OR10A2: variants seen among roughly 807,000 people sequenced by gnomAD.
OR10A2 encodes the protein olfactory receptor 10A2.
OR10A2 carries 15 observed loss-of-function variants against 13.7 expected under a neutral mutation model. That is an observed-to-expected ratio of 1.10 (90% CI 0.73 to 1.69). The LOEUF is 1.69. Ranked by LOEUF, OR10A2 falls within the 40% of genes most tolerant of loss-of-function variation. The pLI, the probability that OR10A2 is intolerant of heterozygous loss-of-function variation, is 0.00. For missense variants in OR10A2, 343 were observed against 361.1 expected (o/e 0.95, Z 0.41); for synonymous variants, 145 against 144.7 (o/e 1.00, Z -0.02).
chr11:6,870,925 A>G lies in OR10A2; in HGVS notation c.*259A>G. The G allele has an allele frequency of 3.1e-6, 1 of 327,232 alleles. No homozygotes were observed. Among genetic ancestry groups the G allele is most frequent in the Non-Finnish European group, 5.5e-6 (1 of 180,884 alleles). The allele number at this position is 327,232 out of a possible 1,614,324, so 20.3% of individuals were successfully genotyped here. A position where few individuals can be genotyped will look rare whatever the true frequency, so the allele number is the denominator to read the frequency against. The stretch of plus-strand genomic sequence containing the variant: ...TGGTATGACAGCACTTCTGTGGCCA[A>G]CTATTTCCAGGTGTTATATTTCTTT... On this transcript the variant is annotated 3_prime_UTR_variant, in exon 2 of 2. Coordinates refer to ENST00000641461, the MANE Select transcript of OR10A2 (RefSeq NM_001004460.2).
chr11:6,871,799 T>C lies in OR10A2; in HGVS notation c.*1133T>C, dbSNP rs1005253332. The C allele has an allele frequency of 2.0e-5, 3 of 152,246 alleles. No homozygotes were observed. The highest frequency in any genetic ancestry group is 7.2e-5 in the African/African-American group (3 of 41,464). The allele number at this position is 152,246 out of a possible 1,614,324, so 9.4% of individuals were successfully genotyped here. ...GCCCTAATTTATTTAGCCAGTCTTT[T>C]ACTACTACAAATCATGCTGTAAATA... On this transcript the variant is annotated 3_prime_UTR_variant, in exon 2 of 2. Transcript: ENST00000641461.
intron 1 of OR10A2, among the ~76,000 whole-genome samples, chr11:6,868,365 C>T (rs922292750): frequency 9.2e-5 from 14 of 152,158 alleles, no homozygotes; most frequent in African/African-American, 1.4e-4. Flanking sequence ...TGCGTAAAGA[C>T]GGAGGGTAAT....
chr11:6,870,770 T>C lies in OR10A2; in HGVS notation c.*104T>C, dbSNP rs1848425545. 1.0e-6 allele frequency: 1 copy of C among 989,728 alleles called. No homozygotes were observed. The highest frequency in any genetic ancestry group is 2.5e-5 in the East Asian group (1 of 40,748). The allele number at this position is 989,728 out of a possible 1,614,324, so 61.3% of individuals were successfully genotyped here. ...ACATCTCCAATAAGATGAAGTCCTG[T>C]TGCTGAAATGGCTTTTGGAAAGCTG... On this transcript the variant is annotated 3_prime_UTR_variant, in exon 2 of 2. Coordinates refer to ENST00000641461, the MANE Select transcript of OR10A2 (RefSeq NM_001004460.2).
chr11:6,863,384 T>TTC lies in OR10A2; in HGVS notation c.-133+33_-133+34insTC, dbSNP rs1157884515. On this transcript the variant is annotated intron_variant, in intron 1 of 1. Transcript: ENST00000641461. ...TTTTTTTTTTTTTTTTTTTTTTTTT[T>TTC]CCACCAAGGACTGAATCTACCAGAG... 3.9e-3 allele frequency: 206 copies of TTC among 52,538 alleles called. 7 individuals are homozygous for TTC. The highest frequency in any genetic ancestry group is 0.01 in the African/African-American group (188 of 18,348). The allele number at this position is 52,538 out of a possible 1,614,324, so 3.3% of individuals were successfully genotyped here.
intron 1 of OR10A2, among the ~76,000 whole-genome samples, chr11:6,868,677 A>AT (rs145193655): frequency 2.0e-5 from 3 of 151,670 alleles, no homozygotes; most frequent in East Asian, 1.9e-4. Context: ...TTTATTATTA[A>AT]TTTTTTTTAA....
rs1415167890 is a variant in OR10A2, at chr11:6,872,813, CTTTCTT to C, written c.*2151_*2156del. ...CAAGTGTTTCTCTTTTCTTTTCTTT[CTTTCTT>C]TTTTTTTTTTTTTTTGAGACAAAGG... is the stretch of plus-strand genomic sequence containing the variant. On this transcript the variant is annotated 3_prime_UTR_variant, in exon 2 of 2. Transcript: ENST00000641461. 4 of 120,146 alleles carry C rather than the reference CTTTCTT, an allele frequency of 3.3e-5. No homozygotes were observed. Among genetic ancestry groups the C allele is most frequent in the Non-Finnish European group, 5.2e-5 (3 of 57,984 alleles). 7.4% of individuals were successfully genotyped at this position (120,146 alleles called of 1,614,324 possible).
chr11:6,870,028 T>C lies in OR10A2; in HGVS notation c.274T>C (p.Phe92Leu), dbSNP rs1162729417. Reference protein sequence around the residue: ...LGCATQMYFFFFFGVAECFLL... With the variant: ...LGCATQMYFFLFFGVAECFLL... ...CTGTGCCACTCAGATGTATTTCTTC[T>C]TCTTCTTTGGAGTGGCTGAATGCTT... Residue 92 changes from phenylalanine (F) to leucine (L), a missense_variant, in exon 2 of 2, where the codon TTC (phenylalanine) becomes CTC (leucine). Transcript: ENST00000641461. 6.2e-7 allele frequency: 1 copy of C among 1,614,256 alleles called. No homozygotes were observed.
In OR10A2 at chr11:6,870,335, T is replaced by A; in HGVS notation, c.581T>A (p.Val194Asp). 1 of 1,614,164 alleles carries A rather than the reference T, an allele frequency of 6.2e-7. No homozygotes were observed. Among genetic ancestry groups the A allele is most frequent in the South Asian group, 1.1e-5 (1 of 91,080 alleles). The change falls in exon 2 of 2, where the codon GTC becomes GAC. Residue 194 changes from valine (V) to aspartate (D), a missense_variant. Transcript: ENST00000641461. ...IYAIVGTILV[V>D]MIPCLLILCS... is the part of the protein sequence containing the mutation. ...GCCATCGTCGGAACCATTCTGGTGG[T>A]CATGATCCCCTGCTTGCTGATCTTG... is the stretch of plus-strand genomic sequence containing the variant.
rs1197104356 is a variant in OR10A2 at position 6,870,418 on chromosome 11, A to C, written c.664A>C (p.Asn222His). The change falls in exon 2 of 2, where the codon AAT (asparagine) becomes CAT (histidine). Residue 222 changes from asparagine (N) to histidine (H), a missense_variant. By Grantham distance (68) the Asn-to-His change is moderately conservative (BLOSUM62 1). Transcript: ENST00000641461. ...CAAGATCCCATCAGCTAAAGGGAAG[A>C]ATAAAGCCTTTTCTACATGTTCCTC... ...ILKIPSAKGK[N>H]KAFSTCSSHL... is the part of the protein sequence containing the mutation. 1.9e-6 allele frequency: 3 copies of C among 1,614,078 alleles called. No individual in the cohort carries two copies. The highest frequency in any genetic ancestry group is 1.7e-6 in the Non-Finnish European group (2 of 1,180,052).
Position 6,871,707 on chromosome 11 carries a change from G to A in OR10A2, c.*1041G>A, listed in dbSNP as rs1355881620. 1 of 152,176 alleles carries A rather than the reference G, an allele frequency of 6.6e-6. No individual in the cohort carries two copies. Among genetic ancestry groups the A allele is most frequent in the Non-Finnish European group, 1.5e-5 (1 of 68,036 alleles). 9.4% of individuals were successfully genotyped at this position (152,176 alleles called of 1,614,324 possible). On this transcript the variant is annotated 3_prime_UTR_variant, in exon 2 of 2. Transcript: ENST00000641461. ...TTGCTTTGATGAGAACAAAGCTCCA[G>A]AATAAGTCTTCTTTAACCACAAGAT...
chr11:6,870,342 C>T lies in OR10A2; in HGVS notation c.588C>T (p.Ile196=). 1 of 1,614,152 alleles carries T rather than the reference C, an allele frequency of 6.2e-7. No individual in the cohort carries two copies. The highest frequency in any genetic ancestry group is 8.5e-7 in the Non-Finnish European group (1 of 1,180,024). Residue 196 remains isoleucine, a synonymous_variant, in exon 2 of 2, where the codon ATC becomes ATT. Coordinates refer to ENST00000641461, the MANE Select transcript of OR10A2 (RefSeq NM_001004460.2). ...TCGGAACCATTCTGGTGGTCATGAT[C>T]CCCTGCTTGCTGATCTTGTGTTCCT... is the stretch of plus-strand genomic sequence containing the variant. The part of the protein sequence containing the change: ...AIVGTILVVM[I]PCLLILCSYT...
In OR10A2 at chr11:6,872,209, T is replaced by C. The variant is rs531545896; in HGVS notation, c.*1543T>C. 34 of 152,316 alleles carry C rather than the reference T, an allele frequency of 2.2e-4. No individual in the cohort carries two copies. The highest frequency in any genetic ancestry group is 7.9e-4 in the African/African-American group (33 of 41,578). The allele number at this position is 152,316 out of a possible 1,614,324, so 9.4% of individuals were successfully genotyped here. A position where few individuals can be genotyped will look rare whatever the true frequency, so the allele number is the denominator to read the frequency against. On this transcript the variant is annotated 3_prime_UTR_variant, in exon 2 of 2. Transcript: ENST00000641461. ...GAGTTATAGATTAGACGATTAGCAATTGGTGATGTCTTGGTGTTTTATTTT... is the reference window on the plus strand; with the variant it reads ...GAGTTATAGATTAGACGATTAGCAACTGGTGATGTCTTGGTGTTTTATTTT...
At chr11:6,867,275 AG>A (rs1456060868) in intron 1 of OR10A2, among the ~76,000 whole-genome samples, 7 of 152,132 alleles carry the variant, frequency 4.6e-5, no homozygotes, top group African/African-American at 1.4e-4. Flanking sequence ...GCAGCGGTGC[AG>A]TCTTGGCTCA....
In OR10A2 at chr11:6,869,708, C is replaced by T. The variant is rs4758141; in HGVS notation, c.-47C>T. On this transcript the variant is annotated 5_prime_UTR_variant, in exon 2 of 2. Coordinates refer to ENST00000641461, the MANE Select transcript of OR10A2 (RefSeq NM_001004460.2). ...GACCACAGTTGGGGACTTCTGCCCA[C>T]ACTTATAGCTACAGGAAACTGGACA... is the stretch of plus-strand genomic sequence containing the variant. 554,302 of 1,516,896 alleles carry T rather than the reference C, an allele frequency of 0.37. 103,101 individuals are homozygous for T. The highest frequency in any genetic ancestry group is 0.4 in the South Asian group (34,028 of 86,004). The allele number at this position is 1,516,896 out of a possible 1,614,324, so 94.0% of individuals were successfully genotyped here. A position where few individuals can be genotyped will look rare whatever the true frequency, so the allele number is the denominator to read the frequency against.
intron 1 of OR10A2, among the ~76,000 whole-genome samples, chr11:6,865,011 T>C (rs59280125): frequency 0.32 from 46,905 of 144,608 alleles, 8,121 homozygotes; most frequent in South Asian, 0.41. Flanking sequence ...TATAAATATA[T>C]ATTAAATATA....
intron 1 of OR10A2, among the ~76,000 whole-genome samples, chr11:6,865,443 C>T (rs1393546958): frequency 6.6e-6 from 1 of 151,826 alleles, no homozygotes; most frequent in East Asian, 1.9e-4. Context: ...TCCTTAAATA[C>T]ATGCTTCATA....
rs1848460742 is a variant in OR10A2, at chr11:6,873,966, GC to G, written c.*3301del. On this transcript the variant is annotated 3_prime_UTR_variant, in exon 2 of 2. Transcript: ENST00000641461. ...AGGAGTAAAAATAATCAAATTTGGG[GC>G]ACAAATTAAAGGATTATATCCCAGT... The G allele has an allele frequency of 6.6e-6, 1 of 152,164 alleles. No individual in the cohort carries two copies. 9.4% of individuals were successfully genotyped at this position (152,164 alleles called of 1,614,324 possible).
Position 6,870,941 on chromosome 11 carries a change from A to ATTTTT in OR10A2, c.*276_*277insTTTTT. On this transcript the variant is annotated 3_prime_UTR_variant, in exon 2 of 2. Coordinates refer to ENST00000641461, the MANE Select transcript of OR10A2 (RefSeq NM_001004460.2). The stretch of plus-strand genomic sequence containing the variant: ...CTGTGGCCAACTATTTCCAGGTGTT[A>ATTTTT]TATTTCTTTTTTTTTTTTTTTTTGA... The ATTTTT allele has an allele frequency of 5.4e-6, 1 of 184,692 alleles. No individual in the cohort carries two copies. Among genetic ancestry groups the ATTTTT allele is most frequent in the Non-Finnish European group, 1.0e-5 (1 of 99,184 alleles). The allele number at this position is 184,692 out of a possible 1,614,324, so 11.4% of individuals were successfully genotyped here. A position where few individuals can be genotyped will look rare whatever the true frequency, so the allele number is the denominator to read the frequency against.
In OR10A2 at chr11:6,869,878, C is replaced by G. The variant is rs1415360254; in HGVS notation, c.124C>G (p.Leu42Val). Residue 42 changes from leucine (L) to valine (V), a missense_variant, in exon 2 of 2, where the codon CTA (leucine) becomes GTA (valine). Physicochemically the swap from Leu to Val is conservative, Grantham distance 32 (BLOSUM62 1). Transcript: ENST00000641461. ...TCTGGTTACCCTAGCTGACCCCATG[C>G]TACACAGCCCCATGTACTTCTTCCT... ...IILVTLADPM[L>V]HSPMYFFLRN... The G allele has an allele frequency of 1.9e-6, 3 of 1,614,022 alleles. No homozygotes were observed. The highest frequency in any genetic ancestry group is 2.5e-6 in the Non-Finnish European group (3 of 1,179,988).
Sources: gnomAD v4.1 joint callset for allele counts (sites outside exome capture counted in the v4.1 genomes callset) on GRCh38, gnomAD v4.1.1 for gene constraint, MANE v1.5 for transcripts, NCBI Gene and HGNC (gene_info 2026-07-23, HGNC 2026-07-21) for gene names.